Variants in MMP11 observed in about 807,000 individuals in gnomAD.
MMP11 encodes the protein stromelysin-3.
MMP11 carries 26 observed loss-of-function variants against 49.5 expected under a neutral mutation model. That is an observed-to-expected ratio of 0.52 (90% CI 0.38 to 0.73). The LOEUF (loss-of-function observed/expected upper bound fraction) is 0.73, where lower values mean the gene tolerates loss of function less well. Ranked by LOEUF, MMP11 falls within the 30% of genes least tolerant of loss-of-function variation. The pLI is 0.00. For synonymous variants in MMP11, 265 were observed against 282.3 expected (o/e 0.94, Z 0.62); for missense variants, 624 against 671.2 (o/e 0.93, Z 0.78).
rs546353777 is a variant in MMP11 at position 23,779,072 on chromosome 22, C to T, written c.109-115C>T. 1.1e-4 allele frequency: 88 copies of T among 830,448 alleles called. 4 individuals carry two copies. In the South Asian group the frequency reaches 1.5e-3, roughly 14 times the overall value. 51.4% of individuals were successfully genotyped at this position (830,448 alleles called of 1,614,324 possible). A position where few individuals can be genotyped will look rare whatever the true frequency, so the allele number is the denominator to read the frequency against. On this transcript the variant is annotated intron_variant, in intron 1 of 7. Transcript: ENST00000215743. ...CCGGTGCCCTTTCCCTCTCCATTTGCCCAGCCACACAGTGGGCTGGGGTTG... is the reference window on the plus strand; with the variant it reads ...CCGGTGCCCTTTCCCTCTCCATTTGTCCAGCCACACAGTGGGCTGGGGTTG...
intron 7 of MMP11, 130 bp from the exon 8 acceptor site, chr22:23,783,281 C>A: frequency 1.8e-6 from 2 of 1,112,110 alleles, no homozygotes; most frequent in South Asian, 1.5e-5. Flanking sequence ...CTGCAGGACT[C>A]GAGGAACTCA....
intron 7 of MMP11, 43 bp from the exon 8 acceptor site, chr22:23,783,368 C>T (rs1255709888): frequency 6.2e-7 from 1 of 1,608,646 alleles, no homozygotes; most frequent in Non-Finnish European, 8.5e-7. Context: ...AGGAGTAGGG[C>T]CCAGTGTCCG....
chr22:23,780,152 C>T lies in MMP11; in HGVS notation c.339-207C>T, dbSNP rs1927563287. 3 of 624,282 alleles carry T rather than the reference C, an allele frequency of 4.8e-6. No individual in the cohort carries two copies. Among genetic ancestry groups the T allele is most frequent in the South Asian group, 4.0e-5 (2 of 49,466 alleles). The allele number at this position is 624,282 out of a possible 1,614,324, so 38.7% of individuals were successfully genotyped here. On this transcript the variant is annotated intron_variant, in intron 2 of 7. Transcript: ENST00000215743. The surrounding 1 kb of genome is among the most constrained non-coding windows in gnomAD (Gnocchi z 4.6). ...TGGTTCTTTCCACTGAATTCAGACA[C>T]TTGTATTTGCCTAAGTATGAGCAAA...
At chr22:23,779,571 C>A (rs1442480559) in intron 2 of MMP11, 155 bp downstream of exon 2, 4 of 684,178 alleles carry the variant, frequency 5.8e-6, no homozygotes, top group African/African-American at 5.4e-5. Flanking sequence ...CATCTATGGG[C>A]AAACCCCCTG....
chr22:23,779,223 C>T lies in MMP11; in HGVS notation c.145C>T (p.Gln49Ter). ...CCTCCATGCCGAGAGGAGGGGGCCA[C>T]AGCCCTGGCATGCAGCCCTGCCCAG... ...HHLHAERRGP[Q>*]PWHAALPSSP... The change falls in exon 2 of 8, where the codon CAG (glutamine) becomes TAG (stop). Residue 49 changes from glutamine to a stop codon, truncating the protein, a stop_gained. Transcript: ENST00000215743. LOFTEE classifies it high-confidence loss of function. 1 of 1,607,308 alleles carries T rather than the reference C, an allele frequency of 6.2e-7. No individual in the cohort carries two copies. Among genetic ancestry groups the T allele is most frequent in the Admixed American group, 1.7e-5 (1 of 59,472 alleles).
chr22:23,783,265 T>C (rs914521889), intron 7 of MMP11, 146 bp from the exon 8 acceptor site: 1 of 965,180 alleles, frequency 1.0e-6, no homozygotes, highest in Non-Finnish European at 1.5e-6. Context: ...AGGCCGGCCC[T>C]GGATCCTGCA....
chr22:23,780,991 G>T lies in MMP11; in HGVS notation c.749G>T (p.Cys250Phe). ...RYPLSLSPDD[C>F]RGVQHLYGQP... ...CCACTGAGTCTCAGCCCAGATGACT[G>T]CAGGGGCGTTCAACACCTATATGGC... Residue 250 changes from cysteine (C) to phenylalanine (F), a missense_variant, in exon 5 of 8, where the codon TGC becomes TTC. Cys to Phe is a radical substitution (Grantham distance 205). Coordinates refer to ENST00000215743, the MANE Select transcript of MMP11 (RefSeq NM_005940.5). This position sits in a 1 kb window ranked among gnomAD's most constrained non-coding sequence, Gnocchi z 4.6. 1.2e-6 allele frequency: 2 copies of T among 1,613,506 alleles called. No homozygotes were observed. The highest frequency in any genetic ancestry group is 1.7e-6 in the Non-Finnish European group (2 of 1,180,032).
intron 1 of MMP11, 45 bp downstream of exon 1, chr22:23,773,023 C>A: frequency 8.7e-7 from 1 of 1,152,786 alleles, no homozygotes; most frequent in South Asian, 3.9e-5. Flanking sequence ...GAGGGGGCGC[C>A]GGGCACGCGG....
chr22:23,773,275 T>G lies in MMP11; in HGVS notation c.108+297T>G, dbSNP rs1927299829. On this transcript the variant is annotated intron_variant, in intron 1 of 7. Coordinates refer to ENST00000215743, the MANE Select transcript of MMP11 (RefSeq NM_005940.5). ...CGCGCTCCAGCCGCGGGTGCTGGAG[T>G]GTGCGTTGAAGGAAGCAGCAGAGGG... 2.0e-5 allele frequency among the ~76,000 whole-genome samples: 3 copies of G among 151,418 alleles called. No individual in the cohort carries two copies. The South Asian group carries it at 6.2e-4, about 32-fold the overall frequency.
chr22:23,774,921 G>A (rs924433028), intron 1 of MMP11, among the ~76,000 whole-genome samples: 4 of 152,126 alleles, frequency 2.6e-5, no homozygotes, highest in African/African-American at 4.8e-5. Context: ...GGTTGACTCC[G>A]AGTCTCTAAG....
chr22:23,777,024 G>A (rs993236747), intron 1 of MMP11, among the ~76,000 whole-genome samples: 5 of 150,862 alleles, frequency 3.3e-5, no homozygotes, highest in Non-Finnish European at 7.4e-5. Context: ...AGCCAGGATG[G>A]TCTCGATCTC....
chr22:23,779,101 G>A (rs28363645), intron 1 of MMP11, 86 bp from the exon 2 acceptor site: 37,479 of 1,092,624 alleles, frequency 0.034, 813 homozygotes, highest in Middle Eastern at 0.092. Flanking sequence ...GGGGTTGCAC[G>A]TGTGTTTGCT....
Position 23,780,955 on chromosome 22 carries a change from C to A in MMP11, c.713C>A (p.Thr238Asn), listed in dbSNP as rs1347537504. ...AAGGCCCTGATGTCCGCCTTCTACA[C>A]CTTTCGCTACCCACTGAGTCTCAGC... ...AAKALMSAFY[T>N]FRYPLSLSPD... is the part of the protein sequence containing the mutation. The change falls in exon 5 of 8, where the codon ACC becomes AAC. Residue 238 changes from threonine (T) to asparagine (N), a missense_variant. Coordinates refer to ENST00000215743, the MANE Select transcript of MMP11 (RefSeq NM_005940.5). The surrounding 1 kb of genome is among the most constrained non-coding windows in gnomAD (Gnocchi z 4.6). 6.2e-7 allele frequency: 1 copy of A among 1,613,770 alleles called. No homozygotes were observed.
At position 23,780,150 on chromosome 22, in the gene MMP11, C is replaced by T. The variant is rs1927563184; in HGVS notation, c.339-209C>T. 3.2e-6 allele frequency: 2 copies of T among 617,956 alleles called. No homozygotes were observed. Among genetic ancestry groups the T allele is most frequent in the East Asian group, 5.5e-5 (2 of 36,202 alleles). 38.3% of individuals were successfully genotyped at this position (617,956 alleles called of 1,614,324 possible). ...CCTGGTTCTTTCCACTGAATTCAGA[C>T]ACTTGTATTTGCCTAAGTATGAGCA... On this transcript the variant is annotated intron_variant, in intron 2 of 7. Coordinates refer to ENST00000215743, the MANE Select transcript of MMP11 (RefSeq NM_005940.5). The surrounding 1 kb of genome is among the most constrained non-coding windows in gnomAD (Gnocchi z 4.6).
rs1442281493 is a variant in MMP11 at position 23,781,105 on chromosome 22, G to A, written c.858+5G>A. The stretch of plus-strand genomic sequence containing the variant: ...AATGAGATTGCACCGCTGGAGGTGA[G>A]GCCCTGCCTGCCAGTCCCCCTACTC... On this transcript the variant is annotated splice_donor_5th_base_variant and intron_variant, in intron 5 of 7. Transcript: ENST00000215743. 6.2e-7 allele frequency: 1 copy of A among 1,606,726 alleles called. No homozygotes were observed. Among genetic ancestry groups the A allele is most frequent in the Non-Finnish European group, 8.5e-7 (1 of 1,179,196 alleles).
rs371384247 is a variant in MMP11 at position 23,782,094 on chromosome 22, T to C, written c.1076-132T>C. The C allele has an allele frequency of 7.5e-6, 10 of 1,340,520 alleles. No homozygotes were observed. In the East Asian group the frequency reaches 2.1e-4, roughly 28 times the overall value. 83.0% of individuals were successfully genotyped at this position (1,340,520 alleles called of 1,614,324 possible). A position where few individuals can be genotyped will look rare whatever the true frequency, so the allele number is the denominator to read the frequency against. On this transcript the variant is annotated intron_variant, in intron 6 of 7. Transcript: ENST00000215743. The stretch of plus-strand genomic sequence containing the variant: ...TGCGGGTGGGGTGCTGAGCAGGCAT[T>C]ATTGGCCTGCATGTTTTACTGATGA...
chr22:23,783,706 G>A lies in MMP11; in HGVS notation c.*162G>A. On this transcript the variant is annotated 3_prime_UTR_variant, in exon 8 of 8. Coordinates refer to ENST00000215743, the MANE Select transcript of MMP11 (RefSeq NM_005940.5). ...GTACAACCACCATGACAACTGCCGG[G>A]AGGGCCACGCAGGTCGTGGTCACCT... is the stretch of plus-strand genomic sequence containing the variant. 1.0e-6 allele frequency: 1 copy of A among 966,840 alleles called. No homozygotes were observed. The highest frequency in any genetic ancestry group is 1.5e-5 in the South Asian group (1 of 65,038). The allele number at this position is 966,840 out of a possible 1,614,324, so 59.9% of individuals were successfully genotyped here.
Position 23,773,177 on chromosome 22 carries a change from G to C in MMP11, c.108+199G>C, listed in dbSNP as rs28363614. On this transcript the variant is annotated intron_variant, in intron 1 of 7. Transcript: ENST00000215743. ...GGGGGTGTGAAGGGGAGCCGGCGCC[G>C]GCATCGTTCGGGCTGGTGGGACGGG... Among the ~76,000 whole-genome samples, 195 of 152,284 alleles carry C rather than the reference G, an allele frequency of 1.3e-3. 1 individual carries two copies. Among genetic ancestry groups the C allele is most frequent in the Non-Finnish European group, 1.6e-3 (110 of 68,014 alleles).
Position 23,772,896 on chromosome 22 carries a change from G to T in MMP11, c.26G>T (p.Ser9Ile). Residue 9 changes from serine to isoleucine, a missense_variant, in exon 1 of 8, where the codon AGC becomes ATC. Transcript: ENST00000215743. ...ATGGCTCCGGCCGCCTGGCTCCGCA[G>T]CGCGGCCGCGCGCGCCCTCCTGCCC... is the stretch of plus-strand genomic sequence containing the variant. MAPAAWLRSAAARALLPPM... is the reference protein window; with the variant it reads MAPAAWLRIAAARALLPPM... The T allele has an allele frequency of 1.7e-6, 2 of 1,168,688 alleles. No homozygotes were observed. Among genetic ancestry groups the T allele is most frequent in the Non-Finnish European group, 2.1e-6 (2 of 947,688 alleles). The allele number at this position is 1,168,688 out of a possible 1,614,324, so 72.4% of individuals were successfully genotyped here.
Sources: allele counts gnomAD v4.1 joint callset (sites outside exome capture counted in the v4.1 genomes callset), GRCh38; gene constraint gnomAD v4.1.1; non-coding constraint Gnocchi (gnomAD v3.1); transcripts MANE v1.5; gene names NCBI Gene and HGNC (gene_info 2026-07-23, HGNC 2026-07-21).